The following CD300LF variants were observed in gnomAD, a reference collection of about 807,000 sequenced individuals.
The protein encoded by CD300LF is CD300 molecule like family member f, also known as CMRF35-like molecule 1.
Under a neutral mutation model 32.2 loss-of-function variants are expected in CD300LF, and 27 were observed. The ratio of observed to expected loss-of-function variants is 0.84; its 90% confidence interval spans 0.62 to 1.15. The LOEUF (loss-of-function observed/expected upper bound fraction) is 1.15, where lower values mean the gene tolerates loss of function less well. CD300LF is among the 50% of genes most tolerant of loss of function. CD300LF has a pLI of 0.00. For synonymous variants in CD300LF, 139 were observed against 143.2 expected (o/e 0.97, Z 0.21); for missense variants, 348 against 356.8 (o/e 0.98, Z 0.20).
chr17:74,698,527 G>A, intron 3 of CD300LF, 46 bp from the exon 4 acceptor site: 1 of 1,569,396 alleles, frequency 6.4e-7, no homozygotes, highest in Non-Finnish European at 8.6e-7. Context: ...CTCACCACCT[G>A]CCTCTCAGCC....
intron 1 of CD300LF, chr17:74,705,072 G>A: frequency 3.2e-6 from 2 of 629,280 alleles, no homozygotes; most frequent in African/African-American, 1.8e-5. Flanking sequence ...ACTTCCTGCA[G>A]TTCACCCCTC....
intron 6 of CD300LF, 54 bp from the exon 7 acceptor site, chr17:74,695,305 G>A (rs914269465): frequency 2.1e-5 from 33 of 1,602,948 alleles, no homozygotes; most frequent in Admixed American, 1.9e-4. Flanking sequence ...TGACGGTCAC[G>A]GGGCAGAGGA....
chr17:74,702,126 T>C (rs980351583), intron 3 of CD300LF, among the ~76,000 whole-genome samples: 4 of 151,706 alleles, frequency 2.6e-5, no homozygotes, highest in African/African-American at 9.7e-5. Context: ...ACCGGGGACC[T>C]CCCATAGGGA....
At chr17:74,704,232 G>A in intron 2 of CD300LF, 1 of 471,308 alleles carries the variant, frequency 2.1e-6, no homozygotes, top group Non-Finnish European at 3.8e-6. Flanking sequence ...CTCAGGCACT[G>A]AGCTGTGCAG....
chr17:74,696,903 TGTTTGGTTTGGTTTGGTTTGGTTTG>T lies in CD300LF; in HGVS notation c.560-711_560-687del, dbSNP rs72122986. 4.3e-4 allele frequency among the ~76,000 whole-genome samples: 63 copies of T among 146,930 alleles called. 1 individual carries two copies. The highest frequency in any genetic ancestry group is 3.4e-3 in the Middle Eastern group (1 of 290). Reference sequence around the variant, plus strand: ...GGGTCGGCACAGTAGGGACCGATTTTGTTTGGTTTGGTTTGGTTTGGTTTGGTTTGGTTTGGTTTGGTTTGGTTTG... The same window carrying T: ...GGGTCGGCACAGTAGGGACCGATTTTGTTTGGTTTGGTTTGGTTTGGTTTG... On this transcript the variant is annotated intron_variant, in intron 4 of 6. Transcript: ENST00000326165.
intron 6 of CD300LF, 136 bp downstream of exon 6, chr17:74,695,589 A>G: frequency 7.8e-7 from 1 of 1,280,130 alleles, no homozygotes; most frequent in Non-Finnish European, 1.1e-6. Context: ...CGAGTCCTGC[A>G]GTGACTATGG....
At chr17:74,700,033 T>C (rs1292614179) in intron 3 of CD300LF, among the ~76,000 whole-genome samples, 1 of 151,918 alleles carries the variant, frequency 6.6e-6, no homozygotes, top group Non-Finnish European at 1.5e-5. Flanking sequence ...TCCCAGCTAC[T>C]TGGGAAGCTG....
At chr17:74,701,786 G>T (rs1196858951) in intron 3 of CD300LF, among the ~76,000 whole-genome samples, 3 of 149,606 alleles carry the variant, frequency 2.0e-5, no homozygotes, top group African/African-American at 4.9e-5. Flanking sequence ...GGAGGTGGAA[G>T]TTGCAGTGAG....
chr17:74,699,145 C>T (rs548368508), intron 3 of CD300LF, among the ~76,000 whole-genome samples: 2 of 152,242 alleles, frequency 1.3e-5, no homozygotes, highest in South Asian at 4.2e-4. Context: ...TCTCGAACTC[C>T]TAACCTCATG....
intron 2 of CD300LF, 54 bp from the exon 3 acceptor site, chr17:74,703,152 G>T: frequency 6.2e-7 from 1 of 1,609,632 alleles, no homozygotes; most frequent in African/African-American, 1.3e-5. Flanking sequence ...CGCTGTAGTT[G>T]ATGCTTGGTG....
At chr17:74,697,468 G>A (rs1203566167) in intron 4 of CD300LF, among the ~76,000 whole-genome samples, 1 of 152,196 alleles carries the variant, frequency 6.6e-6, no homozygotes, top group Non-Finnish European at 1.5e-5. Context: ...ATGAATAAAA[G>A]TCAGGCTCTA....
At chr17:74,712,595 C>T (rs975012321) in intron 1 of CD300LF, among the ~76,000 whole-genome samples, 23 of 152,240 alleles carry the variant, frequency 1.5e-4, no homozygotes, top group Admixed American at 1.1e-3. Flanking sequence ...TTCACATGAT[C>T]AGCCCCTGGG....
rs1267985796 is a variant in CD300LF, at chr17:74,698,402, A to G, written c.526T>C (p.Leu176=). ...LLLLLVAASL[L]AWRMMKYQQK... Reference sequence around the variant, plus strand: ...TGGTACTTCATCATCCTCCAAGCCAAGAGTGAGGCGGCCACCAAAAGCAGC... The same window carrying G: ...TGGTACTTCATCATCCTCCAAGCCAGGAGTGAGGCGGCCACCAAAAGCAGC... The change falls in exon 4 of 7, where the codon TTG becomes CTG. Residue 176 remains leucine (L), a synonymous_variant. Coordinates refer to ENST00000326165, the MANE Select transcript of CD300LF (RefSeq NM_139018.5). 1.2e-6 allele frequency: 2 copies of G among 1,613,984 alleles called. No individual in the cohort carries two copies. The highest frequency in any genetic ancestry group is 2.2e-5 in the South Asian group (2 of 91,076).
chr17:74,711,243 G>A (rs528891576), intron 1 of CD300LF, among the ~76,000 whole-genome samples: 45 of 152,162 alleles, frequency 3.0e-4, no homozygotes, highest in Admixed American at 2.0e-3. Context: ...CCATGTTGGC[G>A]CCCATAGCTG....
chr17:74,703,888 A>G (rs1388085927), intron 2 of CD300LF, among the ~76,000 whole-genome samples: 1 of 152,254 alleles, frequency 6.6e-6, no homozygotes, highest in Non-Finnish European at 1.5e-5. Context: ...CTAGAAGGAC[A>G]TAGGAAGAAA....
intron 3 of CD300LF, among the ~76,000 whole-genome samples, chr17:74,700,767 CA>C (rs1398808547): frequency 1.3e-5 from 2 of 151,794 alleles, no homozygotes; most frequent in Admixed American, 6.6e-5. Flanking sequence ...AAACAAACAA[CA>C]AAAAAAACTG....
chr17:74,697,755 C>A (rs2032634319), intron 4 of CD300LF, among the ~76,000 whole-genome samples: 1 of 152,160 alleles, frequency 6.6e-6, no homozygotes, highest in South Asian at 2.1e-4. Context: ...AGCTAGTTCA[C>A]AAAGGGCAAG....
intron 4 of CD300LF, among the ~76,000 whole-genome samples, chr17:74,698,074 A>G (rs1234297126): frequency 2.0e-5 from 3 of 152,172 alleles, no homozygotes; most frequent in Non-Finnish European, 4.4e-5. Context: ...ACCTAAGACC[A>G]TTGCCACCTA....
chr17:74,704,220 T>C (rs2033316516), intron 2 of CD300LF: 3 of 411,874 alleles, frequency 7.3e-6, no homozygotes, highest in Non-Finnish European at 1.3e-5. Flanking sequence ...CATCACCTTG[T>C]CCTCAGGCAC....
Sources: allele counts gnomAD v4.1 joint callset (sites outside exome capture counted in the v4.1 genomes callset), GRCh38; gene constraint gnomAD v4.1.1; transcripts MANE v1.5; gene names NCBI Gene and HGNC (gene_info 2026-07-23, HGNC 2026-07-21).